CSMD1: variants seen among roughly 807,000 people sequenced by gnomAD.
The protein encoded by CSMD1 is CUB and Sushi multiple domains 1.
A neutral mutation model predicts 417.5 loss-of-function variants in CSMD1; 213 were observed. The observed-to-expected ratio is 0.51, with a 90% CI of 0.46 to 0.57. The LOEUF is 0.57. Ranked by LOEUF, CSMD1 falls within the 20% of genes least tolerant of loss-of-function variation. The probability of loss-of-function intolerance (pLI) is 0.00; values close to 1 mark genes in which losing one functional copy is unlikely to be tolerated. For missense variants in CSMD1, 6,923 were observed against 4,529.7 expected (o/e 1.53, Z -15.17); for synonymous variants, 2,862 against 1,736.8 (o/e 1.65, Z -16.11).
chr8:4,378,903 G>A (rs888970742), intron 3 of CSMD1, among the ~76,000 whole-genome samples: 5 of 152,052 alleles, frequency 3.3e-5, no homozygotes, highest in Non-Finnish European at 7.3e-5. Context: ...GCAATGCTTG[G>A]GTCTTGGACT....
At chr8:3,606,769 G>A (rs1007532884) in intron 8 of CSMD1, among the ~76,000 whole-genome samples, 3 of 150,188 alleles carry the variant, frequency 2.0e-5, no homozygotes, top group African/African-American at 7.4e-5. Context: ...GGGGTACAGT[G>A]GCGTGATCTC....
intron 3 of CSMD1, among the ~76,000 whole-genome samples, chr8:4,077,752 C>G (rs1396288556): frequency 6.6e-6 from 1 of 152,200 alleles, no homozygotes; most frequent in Admixed American, 6.5e-5. Context: ...TGTCCCAATG[C>G]TATTGCCCTA....
intron 5 of CSMD1, among the ~76,000 whole-genome samples, chr8:3,826,550 T>C (rs888893258): frequency 7.2e-5 from 11 of 152,134 alleles, no homozygotes; most frequent in African/African-American, 2.7e-4. Context: ...TCCCGGCTGA[T>C]ATGAGCGCCT....
intron 6 of CSMD1, among the ~76,000 whole-genome samples, chr8:3,717,523 G>A (rs1001054191): frequency 4.6e-5 from 7 of 152,108 alleles, no homozygotes; most frequent in Non-Finnish European, 7.4e-5. Context: ...TTGTCACATG[G>A]CCATGAAAGA....
chr8:4,295,768 A>G (rs1310224960), intron 3 of CSMD1, among the ~76,000 whole-genome samples: 3 of 36,266 alleles, frequency 8.3e-5, no homozygotes, highest in African/African-American at 1.9e-4. Flanking sequence ...ATATATATAT[A>G]TATATATATA....
chr8:4,186,705 A>T (rs1448463701), intron 3 of CSMD1, among the ~76,000 whole-genome samples: 1 of 151,858 alleles, frequency 6.6e-6, no homozygotes, highest in African/African-American at 2.4e-5. Context: ...TATTTTTTTC[A>T]GCGGCGTACG....
chr8:4,735,304 C>T (rs986567178), intron 1 of CSMD1, among the ~76,000 whole-genome samples: 2 of 152,166 alleles, frequency 1.3e-5, no homozygotes, highest in Admixed American at 6.5e-5. Flanking sequence ...TAAACCACAT[C>T]TCCAATGCCA....
At position 3,808,922 on chromosome 8, in the gene CSMD1, T is replaced by A. The variant is rs577858787; in HGVS notation, c.819-54880A>T. Among the ~76,000 whole-genome samples the A allele has an allele frequency of 5.9e-5, 9 of 152,298 alleles. No individual in the cohort carries two copies. In the South Asian group the frequency reaches 1.9e-3, roughly 32 times the overall value. The stretch of plus-strand genomic sequence containing the variant: ...AAACTTCTAGTCAGGCAAGCCTCAA[T>A]TCCGTGTTAGTGCTATGTAGAGGGG... On this transcript the variant is annotated intron_variant, in intron 5 of 69. Coordinates refer to ENST00000635120, the MANE Select transcript of CSMD1 (RefSeq NM_033225.6).
At chr8:4,757,898 G>C (rs1401277238) in intron 1 of CSMD1, among the ~76,000 whole-genome samples, 1 of 144,044 alleles carries the variant, frequency 6.9e-6, no homozygotes, top group African/African-American at 2.6e-5. Context: ...GGCAGCGGTT[G>C]AAGGGAGCCG....
intron 20 of CSMD1, among the ~76,000 whole-genome samples, chr8:3,361,361 G>A (rs1183325156): frequency 6.6e-6 from 1 of 151,934 alleles, no homozygotes; most frequent in Non-Finnish European, 1.5e-5. Context: ...AGGCACTGTG[G>A]CTCATACCTG....
intron 5 of CSMD1, among the ~76,000 whole-genome samples, chr8:3,856,055 C>G (rs897925397): frequency 1.1e-4 from 17 of 151,900 alleles, no homozygotes; most frequent in African/African-American, 3.9e-4. Flanking sequence ...TCACATCATA[C>G]TGTGGAATGG....
In CSMD1 at chr8:3,091,640, C is replaced by A; in HGVS notation, c.7161G>T (p.Leu2387=). Residue 2387 remains leucine, a synonymous_variant, in exon 48 of 70, where the codon CTG becomes CTT. Coordinates refer to ENST00000635120, the MANE Select transcript of CSMD1 (RefSeq NM_033225.6). ...TATGATTCCCACTTAAGACTACTAG[C>A]AGAGGACTTTGCCCAGAAGAACCTA... ...VFDGSSGQSP[L]LVVLSGNHTE... 4.3e-6 allele frequency: 7 copies of A among 1,610,296 alleles called. No homozygotes were observed. The highest frequency in any genetic ancestry group is 5.9e-6 in the Non-Finnish European group (7 of 1,179,192).
intron 7 of CSMD1, 35 bp downstream of exon 7, chr8:3,708,379 G>C (rs372144175): frequency 1.9e-6 from 3 of 1,564,082 alleles, no homozygotes; most frequent in East Asian, 2.2e-5. Flanking sequence ...TTACAAGGGC[G>C]TATCAATCCT....
intron 5 of CSMD1, among the ~76,000 whole-genome samples, chr8:3,852,089 G>A (rs986137581): frequency 6.6e-6 from 1 of 152,174 alleles, no homozygotes; most frequent in Non-Finnish European, 1.5e-5. Context: ...TGCAGAAAAG[G>A]AATTCAAGAA....
chr8:4,033,373 C>T (rs370017689), intron 3 of CSMD1, among the ~76,000 whole-genome samples: 71 of 152,076 alleles, frequency 4.7e-4, no homozygotes, highest in East Asian at 1.2e-3. Flanking sequence ...ACCCGGGAGG[C>T]GGAGCTTGCG....
At chr8:3,273,953 T>A (rs1802074532) in intron 26 of CSMD1, among the ~76,000 whole-genome samples, 3 of 151,936 alleles carry the variant, frequency 2.0e-5, no homozygotes, top group Admixed American at 2.0e-4. Context: ...TTTTAGTTAT[T>A]TCTTGCCTTC....
At chr8:4,130,250 G>A (rs1282155784) in intron 3 of CSMD1, among the ~76,000 whole-genome samples, 2 of 152,096 alleles carry the variant, frequency 1.3e-5, no homozygotes, top group African/African-American at 4.8e-5. Context: ...AGTTTGGAGA[G>A]CCAAGGATGT....
intron 12 of CSMD1, among the ~76,000 whole-genome samples, chr8:3,450,777 G>C (rs1018026637): frequency 1.1e-4 from 16 of 152,026 alleles, no homozygotes; most frequent in African/African-American, 3.6e-4. Context: ...GTAAACATAC[G>C]TGTGCATGTG....
At chr8:4,073,754 A>G (rs902496115) in intron 3 of CSMD1, among the ~76,000 whole-genome samples, 1 of 152,120 alleles carries the variant, frequency 6.6e-6, no homozygotes, top group African/African-American at 2.4e-5. Flanking sequence ...TCAGCAATTT[A>G]TACACTTGAA....
Sources: gnomAD v4.1 joint callset for allele counts (sites outside exome capture counted in the v4.1 genomes callset) on GRCh38, gnomAD v4.1.1 for gene constraint, MANE v1.5 for transcripts, NCBI Gene and HGNC (gene_info 2026-07-23, HGNC 2026-07-21) for gene names.